Variants in KAZN observed in about 807,000 individuals in gnomAD.
KAZN encodes kazrin, periplakin interacting protein, also known as kazrin.
A neutral mutation model predicts 87.4 loss-of-function variants in KAZN; 40 were observed. That is an observed-to-expected ratio of 0.46 (90% CI 0.36 to 0.60). KAZN has a LOEUF of 0.60. Ranked by LOEUF, KAZN falls within the 20% of genes least tolerant of loss-of-function variation. The pLI, the probability that KAZN is intolerant of heterozygous loss-of-function variation, is 0.00. For missense variants in KAZN, 898 were observed against 1,073.9 expected (o/e 0.84, Z 2.29); for synonymous variants, 466 against 458.3 (o/e 1.02, Z -0.22).
intron 2 of KAZN, among the ~76,000 whole-genome samples, chr1:14,548,979 C>T (rs12035464): frequency 0.49 from 74,795 of 151,992 alleles, 18,915 homozygotes; most frequent in South Asian, 0.6. Flanking sequence ...TATCCATAAC[C>T]GGCTTGCATA....
At chr1:14,448,728 G>A (rs1007156985) in intron 2 of KAZN, among the ~76,000 whole-genome samples, 4 of 152,166 alleles carry the variant, frequency 2.6e-5, no homozygotes, top group Non-Finnish European at 5.9e-5. Flanking sequence ...GGTCCAACAC[G>A]GAGTTGGGCG....
chr1:14,528,506 C>A (rs1235598677), intron 2 of KAZN, among the ~76,000 whole-genome samples: 7 of 151,860 alleles, frequency 4.6e-5, no homozygotes, highest in African/African-American at 1.5e-4. Flanking sequence ...AGCCCCCGAC[C>A]AGTACAGTGG....
At chr1:14,985,385 A>G (rs1252994159) in intron 2 of KAZN, among the ~76,000 whole-genome samples, 1 of 152,094 alleles carries the variant, frequency 6.6e-6, no homozygotes. Context: ...TTTAAAAATT[A>G]GCTGGGCATG....
chr1:14,422,848 G>A (rs1473593845), intron 2 of KAZN, among the ~76,000 whole-genome samples: 1 of 152,128 alleles, frequency 6.6e-6, no homozygotes, highest in East Asian at 1.9e-4. Context: ...CTTTCCTTAT[G>A]GTTCTAGTAG....
At chr1:14,518,653 A>T (rs1419902119) in intron 2 of KAZN, among the ~76,000 whole-genome samples, 1 of 152,184 alleles carries the variant, frequency 6.6e-6, no homozygotes, top group Non-Finnish European at 1.5e-5. Flanking sequence ...CAGTGCTCGT[A>T]GGAGCTCCTG....
At chr1:14,392,208 AATT>A (rs1211215047) in intron 2 of KAZN, among the ~76,000 whole-genome samples, 1 of 152,202 alleles carries the variant, frequency 6.6e-6, no homozygotes, top group Non-Finnish European at 1.5e-5. Context: ...AAGACCACAA[AATT>A]ATTAAGAGGA....
intron 8 of KAZN, among the ~76,000 whole-genome samples, chr1:15,090,570 G>C (rs1315399772): frequency 6.6e-6 from 1 of 152,264 alleles, no homozygotes; most frequent in East Asian, 1.9e-4. Flanking sequence ...GGGCTGCAGA[G>C]GCAGCTGCTG....
intron 2 of KAZN, among the ~76,000 whole-genome samples, chr1:14,323,587 A>G (rs531138543): frequency 6.6e-6 from 1 of 152,244 alleles, no homozygotes; most frequent in South Asian, 2.1e-4. Context: ...ATTTCAAGAT[A>G]AAATCTTCCT....
At chr1:15,047,502 G>T (rs1452095561) in intron 4 of KAZN, among the ~76,000 whole-genome samples, 1 of 152,224 alleles carries the variant, frequency 6.6e-6, no homozygotes, top group Admixed American at 6.5e-5. Flanking sequence ...CGGGCGTGGT[G>T]TCTCGTGCCT....
chr1:13,935,900 G>GTGTGTGTGTGTGTA (rs60444554), intron 1 of KAZN, among the ~76,000 whole-genome samples: 10 of 141,490 alleles, frequency 7.1e-5, no homozygotes, highest in Non-Finnish European at 1.5e-4. Context: ...GTGTGTGTGT[G>GTGTGTGTGTGTGTA]TAGAATCAGA....
chr1:15,029,640 C>T (rs1184155214), intron 2 of KAZN, among the ~76,000 whole-genome samples: 1 of 152,202 alleles, frequency 6.6e-6, no homozygotes, highest in African/African-American at 2.4e-5. Flanking sequence ...CCTGGGAATG[C>T]CATGTTGAGG....
At chr1:14,126,345 C>A (rs1424647354) in intron 1 of KAZN, among the ~76,000 whole-genome samples, 1 of 71,160 alleles carries the variant, frequency 1.4e-5, no homozygotes, top group Non-Finnish European at 2.3e-5. Flanking sequence ...AAGGCAGAAG[C>A]TCTCCCCTCC....
chr1:14,865,803 G>A (rs1651384794), intron 1 of KAZN, among the ~76,000 whole-genome samples: 1 of 152,164 alleles, frequency 6.6e-6, no homozygotes, highest in African/African-American at 2.4e-5. Context: ...CTAATCCCAA[G>A]GTCTGATGTC....
chr1:14,291,120 T>C (rs1175865245), intron 2 of KAZN, among the ~76,000 whole-genome samples: 2 of 152,210 alleles, frequency 1.3e-5, no homozygotes, highest in African/African-American at 4.8e-5. Flanking sequence ...GATGCCTCCC[T>C]GTTAGGCTAC....
chr1:14,821,084 G>C (rs962355148), intron 1 of KAZN, among the ~76,000 whole-genome samples: 1 of 152,140 alleles, frequency 6.6e-6, no homozygotes, highest in Non-Finnish European at 1.5e-5. Flanking sequence ...AAATAGTAGA[G>C]GCTGGAAGAA....
rs930056416 is a variant in KAZN at position 14,490,681 on chromosome 1, C to T, written c.250-108302C>T. ...CTAATATTTCTATTTTTAGCAGAGA[C>T]GGGGTGGTTGTTTTTTAATGGTTAT... On this transcript the variant is annotated intron_variant, in intron 2 of 16. Coordinates refer to the KAZN transcript ENST00000636203. 3.3e-5 allele frequency among the ~76,000 whole-genome samples: 5 copies of T among 152,078 alleles called. No individual in the cohort carries two copies. In the East Asian group the frequency reaches 7.7e-4, roughly 24 times the overall value.
At chr1:14,798,149 G>C (rs1391427137) in intron 1 of KAZN, among the ~76,000 whole-genome samples, 1 of 152,160 alleles carries the variant, frequency 6.6e-6, no homozygotes, top group Non-Finnish European at 1.5e-5. Flanking sequence ...CGCTTACACA[G>C]TTTTGGGTCA....
At chr1:14,696,880 G>A (rs1361443537) in intron 1 of KAZN, among the ~76,000 whole-genome samples, 1 of 152,164 alleles carries the variant, frequency 6.6e-6, no homozygotes, top group African/African-American at 2.4e-5. Context: ...GAAAGGACAA[G>A]GCTAAGAAAC....
chr1:15,069,614 G>A (rs917546098), intron 8 of KAZN, among the ~76,000 whole-genome samples: 3 of 152,328 alleles, frequency 2.0e-5, no homozygotes, highest in East Asian at 1.9e-4. Context: ...GTGACAGAGC[G>A]AGACTCTGTC....
Sources: allele counts gnomAD v4.1 joint callset (sites outside exome capture counted in the v4.1 genomes callset), GRCh38; gene constraint gnomAD v4.1.1; transcripts MANE v1.5; gene names NCBI Gene and HGNC (gene_info 2026-07-23, HGNC 2026-07-21).